Variants in ENOX1 observed in about 807,000 individuals in gnomAD.
The protein encoded by ENOX1 is candidate growth-related and time keeping constitutive hydroquinone (NADH) oxidase.
A neutral mutation model predicts 82.5 loss-of-function variants in ENOX1; 42 were observed. The ratio of observed to expected loss-of-function variants is 0.51; its 90% CI spans 0.40 to 0.66. The LOEUF (loss-of-function observed/expected upper bound fraction) is 0.66. Ranked by LOEUF, ENOX1 falls within the 30% of genes least tolerant of loss-of-function variation. ENOX1 has a pLI of 0.00. For missense variants in ENOX1, 608 were observed against 811.6 expected, an observed-to-expected ratio of 0.75 and a Z score of 3.05; for synonymous variants, 271 against 282.2, an observed-to-expected ratio of 0.96 and a Z score of 0.40.
intron 2 of ENOX1, among the ~76,000 whole-genome samples, chr13:43,636,297 ATCT>A (rs1190411598): frequency 1.3e-5 from 2 of 152,200 alleles, no homozygotes; most frequent in Admixed American, 6.5e-5. Context: ...AAACGATAAC[ATCT>A]TCTTGAAGGT....
chr13:43,463,281 G>C (rs1296846774), intron 3 of ENOX1, among the ~76,000 whole-genome samples: 1 of 152,116 alleles, frequency 6.6e-6, no homozygotes, highest in Non-Finnish European at 1.5e-5. Context: ...CTGTATCCAG[G>C]AGTAATTCAA....
At chr13:43,691,990 G>A (rs568059452) in intron 1 of ENOX1, among the ~76,000 whole-genome samples, 2 of 152,196 alleles carry the variant, frequency 1.3e-5, no homozygotes, top group East Asian at 1.9e-4. Context: ...ATGAGCCACC[G>A]TGCCTGGCCA....
At chr13:43,265,558 A>G (rs2044325837) in intron 13 of ENOX1, 104 bp from the exon 14 acceptor site, 2 of 970,004 alleles carry the variant, frequency 2.1e-6, no homozygotes, top group Non-Finnish European at 3.1e-6. Context: ...GTTGCATTTT[A>G]TAAAACTTCC....
At chr13:43,684,714 T>A (rs2085975503) in intron 1 of ENOX1, among the ~76,000 whole-genome samples, 1 of 152,142 alleles carries the variant, frequency 6.6e-6, no homozygotes, top group African/African-American at 2.4e-5. Flanking sequence ...CCACAGAGAC[T>A]GATATGACCT....
chr13:43,365,283 AG>A (rs1316168787), intron 5 of ENOX1, among the ~76,000 whole-genome samples: 1 of 152,230 alleles, frequency 6.6e-6, no homozygotes, highest in African/African-American at 2.4e-5. Flanking sequence ...TAACTAGGTT[AG>A]GTGTGGGCAG....
chr13:43,672,185 C>T (rs1289985615), intron 1 of ENOX1, among the ~76,000 whole-genome samples: 1 of 152,120 alleles, frequency 6.6e-6, no homozygotes, highest in African/African-American at 2.4e-5. Context: ...GCACTTACAT[C>T]TGAAAAGGAG....
intron 9 of ENOX1, among the ~76,000 whole-genome samples, chr13:43,334,866 GA>G (rs1242483770): frequency 6.6e-6 from 1 of 152,030 alleles, no homozygotes; most frequent in East Asian, 1.9e-4. Flanking sequence ...CTCAGCAGGG[GA>G]AACTTACAGA....
chr13:43,526,073 T>C (rs2077978607), intron 2 of ENOX1, among the ~76,000 whole-genome samples: 1 of 152,162 alleles, frequency 6.6e-6, no homozygotes. Flanking sequence ...TAACAAACAA[T>C]GCTCTATGCA....
At chr13:43,309,747 A>G (rs2047081089) in intron 11 of ENOX1, among the ~76,000 whole-genome samples, 1 of 152,228 alleles carries the variant, frequency 6.6e-6, no homozygotes, top group Non-Finnish European at 1.5e-5. Flanking sequence ...TCCCTGGGAA[A>G]GAGTTGTTCA....
At chr13:43,486,398 C>G (rs552363772) in intron 2 of ENOX1, among the ~76,000 whole-genome samples, 1 of 151,856 alleles carries the variant, frequency 6.6e-6, no homozygotes, top group East Asian at 1.9e-4. Flanking sequence ...AAAACAAAGA[C>G]AAAAACAAAC....
At chr13:43,339,600 C>T (rs574279125) in intron 9 of ENOX1, among the ~76,000 whole-genome samples, 5 of 152,322 alleles carry the variant, frequency 3.3e-5, no homozygotes, top group Admixed American at 3.3e-4. Flanking sequence ...CACCTCACAA[C>T]AATTTCCCAA....
At chr13:43,354,870 A>G (rs576939185) in intron 8 of ENOX1, among the ~76,000 whole-genome samples, 1 of 152,314 alleles carries the variant, frequency 6.6e-6, no homozygotes, top group East Asian at 1.9e-4. Flanking sequence ...TGGGGAAAAA[A>G]ATCTTATTTA....
In ENOX1 at chr13:43,333,848, C is replaced by G. The variant is rs187159220; in HGVS notation, c.1037-7323G>C. Among the ~76,000 whole-genome samples, 864 of 152,350 alleles carry G rather than the reference C, an allele frequency of 5.7e-3. 7 individuals carry two copies. The highest frequency in any genetic ancestry group is 0.025 in the South Asian group (122 of 4,826). On this transcript the variant is annotated intron_variant, in intron 9 of 16. Transcript: ENST00000690772. ...CCGTTGGCCAGGCTGGTCTCGAACT[C>G]CTGACCTCAAGTGATTCACCCGCCT...
At chr13:43,270,324 C>T (rs2044613765) in intron 12 of ENOX1, among the ~76,000 whole-genome samples, 2 of 152,140 alleles carry the variant, frequency 1.3e-5, no homozygotes, top group South Asian at 2.1e-4. Flanking sequence ...TCAAGAGCTG[C>T]AAAAAGGCCC....
intron 11 of ENOX1, among the ~76,000 whole-genome samples, chr13:43,311,526 ACTT>A (rs1479363656): frequency 2.0e-5 from 3 of 152,218 alleles, no homozygotes; most frequent in Admixed American, 2.0e-4. Flanking sequence ...ATGCTCTCAC[ACTT>A]CTTTATGTTA....
chr13:43,219,561 A>T (rs2041675850), intron 16 of ENOX1, among the ~76,000 whole-genome samples: 2 of 152,208 alleles, frequency 1.3e-5, no homozygotes, highest in Non-Finnish European at 2.9e-5. Context: ...TTATTCTTTT[A>T]GGAAGGATTT....
At chr13:43,518,674 T>C (rs1323645818) in intron 2 of ENOX1, among the ~76,000 whole-genome samples, 5 of 152,056 alleles carry the variant, frequency 3.3e-5, no homozygotes, top group Non-Finnish European at 7.4e-5. Flanking sequence ...CATTTAACCA[T>C]TGTAAAAAAA....
chr13:43,507,799 A>G (rs537157940), intron 2 of ENOX1, among the ~76,000 whole-genome samples: 1 of 151,994 alleles, frequency 6.6e-6, no homozygotes, highest in Non-Finnish European at 1.5e-5. Context: ...CTGAGGTGAA[A>G]GTACTTAAAA....
At chr13:43,564,020 A>C (rs1481809931) in intron 2 of ENOX1, among the ~76,000 whole-genome samples, 1 of 152,112 alleles carries the variant, frequency 6.6e-6, no homozygotes, top group Non-Finnish European at 1.5e-5. Context: ...CTACAATGCC[A>C]GTATTACCCT....
Sources: allele counts gnomAD v4.1 joint callset (sites outside exome capture counted in the v4.1 genomes callset), GRCh38; gene constraint gnomAD v4.1.1; transcripts MANE v1.5; gene names NCBI Gene and HGNC (gene_info 2026-07-23, HGNC 2026-07-21).